The following ABCA4 variants were observed in gnomAD, a reference collection of about 807,000 sequenced individuals.
ABCA4 encodes the protein retinal-specific phospholipid-transporting ATPase ABCA4.
ABCA4 carries 196 observed loss-of-function variants against 263.7 expected under a neutral mutation model. The observed-to-expected ratio is 0.74, with a 90% CI of 0.66 to 0.84. The LOEUF (loss-of-function observed/expected upper bound fraction) is 0.84, where lower values mean the gene tolerates loss of function less well. ABCA4 is among the 40% of genes least tolerant of loss of function. The pLI, the probability that ABCA4 is intolerant of heterozygous loss-of-function variation, is 0.00. For synonymous variants in ABCA4, 1,133 were observed against 1,094.2 expected (o/e 1.04, Z -0.70); for missense variants, 2,792 against 2,855.1 (o/e 0.98, Z 0.50).
In ABCA4 at chr1:94,063,218, C is replaced by T. The variant is rs145525174; in HGVS notation, c.1654G>A (p.Val552Ile). ...GTCCAGGGATACATGTCAGGGAATACCACTCCGGCCCAGAACATGTTTTCC... is the reference window on the plus strand; with the variant it reads ...GTCCAGGGATACATGTCAGGGAATATCACTCCGGCCCAGAACATGTTTTCC... ...LEENMFWAGV[V>I]FPDMYPWTSS... Residue 552 changes from valine to isoleucine, a missense_variant, in exon 12 of 50, where the codon GTA becomes ATA. Transcript: ENST00000370225. The T allele has an allele frequency of 3.7e-3, 5,986 of 1,614,084 alleles. 16 individuals are homozygous for T. Among genetic ancestry groups the T allele is most frequent in the Non-Finnish European group, 4.6e-3 (5,409 of 1,179,984 alleles).
rs7524782 is a variant in ABCA4, at chr1:94,112,695, C to T, written c.160+278G>A. 0.036 allele frequency among the ~76,000 whole-genome samples: 5,545 copies of T among 152,210 alleles called. 278 individuals carry two copies. Among genetic ancestry groups the T allele is most frequent in the East Asian group, 0.14 (720 of 5,184 alleles). On this transcript the variant is annotated intron_variant, in intron 2 of 49. Transcript: ENST00000370225. Reference sequence around the variant, plus strand: ...CCTATAATTCCAGCACTTTGGAAGCCCAGGCAGGAGGATCACTTGAGCCCA... The same window carrying T: ...CCTATAATTCCAGCACTTTGGAAGCTCAGGCAGGAGGATCACTTGAGCCCA...
At chr1:94,085,786 A>C (rs930914415) in intron 6 of ABCA4, among the ~76,000 whole-genome samples, 2 of 152,026 alleles carry the variant, frequency 1.3e-5, no homozygotes, top group Non-Finnish European at 2.9e-5. Flanking sequence ...GTCTGCTCAC[A>C]CGTCAGCTGT....
rs568339004 is a variant in ABCA4 at position 94,072,766 on chromosome 1, C to G, written c.1554+4924G>C. On this transcript the variant is annotated intron_variant, in intron 11 of 49. Transcript: ENST00000370225. Reference sequence around the variant, plus strand: ...TCCCCATGAGTGATGTGAGGCTCCCCAAACCACCATCATCTATTTTCCTAC... The same window carrying G: ...TCCCCATGAGTGATGTGAGGCTCCCGAAACCACCATCATCTATTTTCCTAC... 2.6e-5 allele frequency among the ~76,000 whole-genome samples: 4 copies of G among 152,298 alleles called. No homozygotes were observed. The East Asian group carries it at 7.7e-4, about 29-fold the overall frequency.
rs139396214 is a variant in ABCA4, at chr1:94,109,438, C to T, written c.303-722G>A. ...ACCTCCCTGCACACACACATTGGCA[C>T]GCATGCACATGCACGCCTCTGCCAA... On this transcript the variant is annotated intron_variant, in intron 3 of 49. Transcript: ENST00000370225. Among the ~76,000 whole-genome samples the T allele has an allele frequency of 2.0e-3, 312 of 152,342 alleles. 2 individuals carry two copies. Among genetic ancestry groups the T allele is most frequent in the African/African-American group, 7.2e-3 (299 of 41,578 alleles).
intron 26 of ABCA4, among the ~76,000 whole-genome samples, chr1:94,034,416 G>A (rs1343166733): frequency 6.6e-6 from 1 of 151,948 alleles, no homozygotes; most frequent in Non-Finnish European, 1.5e-5. Flanking sequence ...TTGTAATGAT[G>A]TTCTCAGGCA....
At chr1:94,019,278 C>G in intron 36 of ABCA4, 1 of 302,156 alleles carries the variant, frequency 3.3e-6, no homozygotes, top group Non-Finnish European at 6.3e-6. Flanking sequence ...GAAGGCCAGA[C>G]TCATGCCTGC....
chr1:94,076,699 G>A (rs894664199), intron 11 of ABCA4, among the ~76,000 whole-genome samples: 4 of 152,178 alleles, frequency 2.6e-5, no homozygotes, highest in South Asian at 2.1e-4. Context: ...AGAGAGCAAC[G>A]TAAGCAGGTG....
At chr1:94,084,187 C>T (rs1250399226) in intron 6 of ABCA4, among the ~76,000 whole-genome samples, 2 of 152,214 alleles carry the variant, frequency 1.3e-5, no homozygotes, top group Non-Finnish European at 1.5e-5. Context: ...TGACTTCATG[C>T]TTCATGTTTC....
At chr1:94,063,449 A>C in intron 11 of ABCA4, 132 bp from the exon 12 acceptor site, 2 of 893,842 alleles carry the variant, frequency 2.2e-6, no homozygotes, top group Non-Finnish European at 3.6e-6. Flanking sequence ...CTATAAACTT[A>C]ATGTTTGCTT....
At chr1:94,012,780 A>C (rs1659583923) in intron 38 of ABCA4, among the ~76,000 whole-genome samples, 1 of 152,040 alleles carries the variant, frequency 6.6e-6, no homozygotes, top group Non-Finnish European at 1.5e-5. Flanking sequence ...TATCGTTGCA[A>C]ACTTCGTGGG....
chr1:94,011,047 C>T, intron 39 of ABCA4, 118 bp from the exon 40 acceptor site: 1 of 1,583,040 alleles, frequency 6.3e-7, no homozygotes, highest in Non-Finnish European at 8.6e-7. Flanking sequence ...GAGCCAAACA[C>T]CCGCCTCATA....
chr1:94,020,274 A>G (rs1659860593), intron 35 of ABCA4, among the ~76,000 whole-genome samples: 1 of 152,208 alleles, frequency 6.6e-6, no homozygotes, highest in African/African-American at 2.4e-5. Flanking sequence ...ACTTGGCTCT[A>G]TTTATTCTTT....
intron 1 of ABCA4, among the ~76,000 whole-genome samples, chr1:94,116,248 T>A (rs182224815): frequency 4.6e-5 from 7 of 152,078 alleles, no homozygotes; most frequent in Non-Finnish European, 4.4e-5. Context: ...TTCTCATCCT[T>A]GAATTAGGCT....
At chr1:94,025,146 T>C (rs1660004382) in intron 30 of ABCA4, 98 bp from the exon 31 acceptor site, 1 of 975,260 alleles carries the variant, frequency 1.0e-6, no homozygotes, top group African/African-American at 1.6e-5. Context: ...TATTTATGGA[T>C]TGAGCTGCTG....
intron 36 of ABCA4, among the ~76,000 whole-genome samples, chr1:94,016,332 G>A (rs570887858): frequency 2.0e-4 from 31 of 152,362 alleles, no homozygotes; most frequent in Admixed American, 3.3e-4. Flanking sequence ...ATCAGGAGCA[G>A]GGCAAGAACC....
intron 15 of ABCA4, 71 bp from the exon 16 acceptor site, chr1:94,055,386 C>T: frequency 6.6e-7 from 1 of 1,514,570 alleles, no homozygotes; most frequent in Non-Finnish European, 9.1e-7. Flanking sequence ...CCCAGATGCC[C>T]TCGAGGTAGA....
intron 38 of ABCA4, among the ~76,000 whole-genome samples, chr1:94,014,065 T>G (rs547498233): frequency 2.0e-5 from 3 of 152,272 alleles, no homozygotes; most frequent in East Asian, 3.9e-4. Flanking sequence ...GAGAAAACCT[T>G]TCTGAAAGAG....
intron 44 of ABCA4, among the ~76,000 whole-genome samples, chr1:94,005,207 A>C (rs192192090): frequency 6.6e-6 from 1 of 152,238 alleles, no homozygotes; most frequent in Non-Finnish European, 1.5e-5. Context: ...GGATAAATGC[A>C]TACAACATTT....
chr1:94,071,978 T>A (rs1194554687), intron 11 of ABCA4, among the ~76,000 whole-genome samples: 1 of 152,248 alleles, frequency 6.6e-6, no homozygotes, highest in Non-Finnish European at 1.5e-5. Context: ...ATAGGACAGA[T>A]AATTCACAAA....
Sources: allele counts gnomAD v4.1 joint callset (sites outside exome capture counted in the v4.1 genomes callset), GRCh38; gene constraint gnomAD v4.1.1; transcripts MANE v1.5; gene names NCBI Gene and HGNC (gene_info 2026-07-23, HGNC 2026-07-21).